The following PPP2R2B variants were observed in gnomAD, a reference collection of about 807,000 sequenced individuals.
The protein encoded by PPP2R2B is protein phosphatase 2 regulatory subunit Bbeta.
In PPP2R2B, 5 loss-of-function variants were observed where a neutral mutation model predicts 46.0. The observed-to-expected ratio is 0.11, with a 90% CI of 0.06 to 0.23. The LOEUF (loss-of-function observed/expected upper bound fraction) is 0.23. PPP2R2B is among the 10% of genes least tolerant of loss of function. PPP2R2B has a pLI of 1.00. For missense variants in PPP2R2B, 367 were observed against 575.0 expected (o/e 0.64, Z 3.70); for synonymous variants, 215 against 206.7 (o/e 1.04, Z -0.34).
intron 2 of PPP2R2B, among the ~76,000 whole-genome samples, chr5:146,823,358 C>T (rs148549140): frequency 6.6e-5 from 10 of 152,074 alleles, no homozygotes; most frequent in South Asian, 4.2e-4. Context: ...CCACAAGGCC[C>T]GCCTAATTTT....
Position 146,689,169 on chromosome 5 carries a change from G to A in PPP2R2B, c.447+1959C>T, listed in dbSNP as rs377311611. On this transcript the variant is annotated intron_variant, in intron 5 of 9. Transcript: ENST00000394411. ...CAGAAGGGAACTAACATCATTGAGT[G>A]CTTTTTGTGAGCCAGCACTACACAG... is the stretch of plus-strand genomic sequence containing the variant. 4.7e-3 allele frequency among the ~76,000 whole-genome samples: 710 copies of A among 152,232 alleles called. 6 individuals are homozygous for A. The highest frequency in any genetic ancestry group is 0.024 in the South Asian group (116 of 4,826).
intron 5 of PPP2R2B, 117 bp downstream of exon 5, chr5:146,691,011 T>C (rs1464018788): frequency 1.8e-5 from 14 of 784,902 alleles, no homozygotes; most frequent in Non-Finnish European, 2.9e-5. Flanking sequence ...GCTGAGTCTC[T>C]GCCTACGTTC....
intron 8 of PPP2R2B, among the ~76,000 whole-genome samples, chr5:146,596,408 C>A (rs531900470): frequency 6.9e-6 from 1 of 144,520 alleles, no homozygotes; most frequent in Non-Finnish European, 1.5e-5. Context: ...GACCTCACAA[C>A]CTATTAACTA....
At chr5:146,858,431 A>G (rs1164110421) in intron 2 of PPP2R2B, among the ~76,000 whole-genome samples, 3 of 152,208 alleles carry the variant, frequency 2.0e-5, no homozygotes, top group Non-Finnish European at 4.4e-5. Flanking sequence ...TAATCCTCAC[A>G]ACAACCATGG....
At chr5:146,781,908 A>G (rs1470979665) in intron 2 of PPP2R2B, among the ~76,000 whole-genome samples, 3 of 152,192 alleles carry the variant, frequency 2.0e-5, no homozygotes, top group Admixed American at 6.5e-5. Context: ...TTGAATTGCA[A>G]TCCGTAAAGT....
chr5:146,982,462 G>A (rs1753221413), intron 1 of PPP2R2B, among the ~76,000 whole-genome samples: 1 of 152,084 alleles, frequency 6.6e-6, no homozygotes, highest in Non-Finnish European at 1.5e-5. Context: ...TATAGTCCAG[G>A]TTATGGTCTA....
chr5:146,677,418 C>T (rs1474491194), intron 5 of PPP2R2B, among the ~76,000 whole-genome samples: 6 of 151,890 alleles, frequency 4.0e-5, no homozygotes, highest in Admixed American at 6.6e-5. Context: ...AAGTACATGC[C>T]GTCACCATTT....
At chr5:147,019,127 A>C (rs565312117) in intron 1 of PPP2R2B, among the ~76,000 whole-genome samples, 8 of 151,956 alleles carry the variant, frequency 5.3e-5, no homozygotes, top group African/African-American at 1.9e-4. Context: ...TTAGTTAGAA[A>C]TGTAGATCTT....
chr5:146,737,146 C>A (rs1429115689), intron 2 of PPP2R2B, among the ~76,000 whole-genome samples: 1 of 152,150 alleles, frequency 6.6e-6, no homozygotes, highest in Non-Finnish European at 1.5e-5. Context: ...AGCCACATTT[C>A]AAGGGTTCAG....
chr5:146,997,687 CAGT>C (rs1435666285), intron 1 of PPP2R2B, among the ~76,000 whole-genome samples: 3 of 152,108 alleles, frequency 2.0e-5, no homozygotes, highest in Non-Finnish European at 2.9e-5. Flanking sequence ...TTTAAGCTAA[CAGT>C]AGACTCAGTA....
In PPP2R2B at chr5:146,671,369, C is replaced by T. The variant is rs142045480; in HGVS notation, c.447+19759G>A. 2.4e-4 allele frequency among the ~76,000 whole-genome samples: 37 copies of T among 152,276 alleles called. 1 individual carries two copies. The East Asian group carries it at 4.8e-3, about 20-fold the overall frequency. On this transcript the variant is annotated intron_variant, in intron 5 of 9. Transcript: ENST00000394411. ...CACATACCTTCTCCCCATTAAGAAC[C>T]GCTAAATGGTGGGTTTGATGAGTTA...
chr5:146,766,664 T>C (rs1428085610), intron 2 of PPP2R2B, among the ~76,000 whole-genome samples: 1 of 152,200 alleles, frequency 6.6e-6, no homozygotes, highest in Non-Finnish European at 1.5e-5. Flanking sequence ...TCAGAGAGGT[T>C]AAGTTCTCAA....
At chr5:146,832,242 G>C (rs1160948813) in intron 2 of PPP2R2B, among the ~76,000 whole-genome samples, 1 of 152,098 alleles carries the variant, frequency 6.6e-6, no homozygotes, top group African/African-American at 2.4e-5. Context: ...TAGGTTTACA[G>C]TGTTTATAGC....
intron 1 of PPP2R2B, among the ~76,000 whole-genome samples, chr5:147,028,352 G>A (rs1020982825): frequency 6.6e-6 from 1 of 152,082 alleles, no homozygotes; most frequent in Non-Finnish European, 1.5e-5. Context: ...GGCACTGAAT[G>A]CTGATTTTTT....
At chr5:147,059,202 T>C (rs1374932224), upstream of PPP2R2B, among the ~76,000 whole-genome samples, 1 of 152,162 alleles carries the variant, frequency 6.6e-6, no homozygotes, top group East Asian at 1.9e-4. Flanking sequence ...TGAACTGTTT[T>C]AATAAAGCCA....
At chr5:146,817,336 G>A (rs1757988151) in intron 2 of PPP2R2B, among the ~76,000 whole-genome samples, 1 of 152,210 alleles carries the variant, frequency 6.6e-6, no homozygotes, top group East Asian at 1.9e-4. Flanking sequence ...TTGGACACCT[G>A]GCCTAGATGC....
intron 1 of PPP2R2B, chr5:147,035,018 C>T (rs761187199): frequency 4.3e-5 from 19 of 439,630 alleles, no homozygotes; most frequent in Non-Finnish European, 6.4e-5. Flanking sequence ...CATATCATGA[C>T]AGCCAGATAA....
chr5:146,766,680 C>T (rs1027538245), intron 2 of PPP2R2B, among the ~76,000 whole-genome samples: 2 of 152,164 alleles, frequency 1.3e-5, no homozygotes, highest in Non-Finnish European at 2.9e-5. Flanking sequence ...CTCAAAGTCT[C>T]ACAGACAGCA....
intron 2 of PPP2R2B, among the ~76,000 whole-genome samples, chr5:146,703,020 TAC>T (rs1289143763): frequency 1.3e-5 from 2 of 152,218 alleles, no homozygotes; most frequent in Admixed American, 6.5e-5. Context: ...TTTCCTTTGT[TAC>T]AGTTTGCCCA....
Sources: allele counts gnomAD v4.1 joint callset (sites outside exome capture counted in the v4.1 genomes callset), GRCh38; gene constraint gnomAD v4.1.1; transcripts MANE v1.5; gene names NCBI Gene and HGNC (gene_info 2026-07-23, HGNC 2026-07-21).